PSMD14: variants seen among roughly 807,000 people sequenced by gnomAD.
PSMD14 encodes proteasome 26S subunit, non-ATPase 14.
In PSMD14, 7 loss-of-function variants were observed where a neutral mutation model predicts 41.2. That is an observed-to-expected ratio of 0.17 (90% CI 0.10 to 0.32). The LOEUF (loss-of-function observed/expected upper bound fraction) is 0.32, where lower values mean the gene tolerates loss of function less well. Ranked by LOEUF, PSMD14 falls within the 10% of genes least tolerant of loss-of-function variation. PSMD14 has a pLI of 1.00. For synonymous variants in PSMD14, 114 were observed against 122.3 expected (o/e 0.93, Z 0.45); for missense variants, 139 against 375.6 (o/e 0.37, Z 5.21).
chr2:161,374,226 T>C (rs868039644), intron 7 of PSMD14, among the ~76,000 whole-genome samples: 1 of 152,004 alleles, frequency 6.6e-6, no homozygotes, highest in Non-Finnish European at 1.5e-5. Flanking sequence ...TAGGTGTCAC[T>C]CTCTTCAGCA....
Position 161,387,901 on chromosome 2 carries a change from A to G in PSMD14, c.570+2330A>G, listed in dbSNP as rs1281562048. ...CATGTTTTATATAATAGAAGCCACT[A>G]ATAATCCTGATAGAGAGGAGAAAGT... On this transcript the variant is annotated intron_variant, in intron 8 of 11. Transcript: ENST00000409682. 3.3e-5 allele frequency among the ~76,000 whole-genome samples: 5 copies of G among 152,176 alleles called. No homozygotes were observed. In the Middle Eastern group the frequency reaches 0.01, roughly 313 times the overall value.
At chr2:161,403,439 G>A (rs1683908185) in intron 10 of PSMD14, among the ~76,000 whole-genome samples, 1 of 152,154 alleles carries the variant, frequency 6.6e-6, no homozygotes, top group Admixed American at 6.6e-5. Context: ...TTTTCCTTTG[G>A]GGTAATGAAA....
intron 10 of PSMD14, among the ~76,000 whole-genome samples, chr2:161,404,637 C>T (rs1296264164): frequency 6.6e-6 from 1 of 152,062 alleles, no homozygotes; most frequent in Non-Finnish European, 1.5e-5. Context: ...CAGAGTATGG[C>T]GCTGATGACA....
At chr2:161,318,011 C>A (rs1479221730) in intron 2 of PSMD14, among the ~76,000 whole-genome samples, 1 of 152,052 alleles carries the variant, frequency 6.6e-6, no homozygotes, top group African/African-American at 2.4e-5. Flanking sequence ...TTCTTAACTT[C>A]TTCTGTGAGG....
chr2:161,357,179 C>T (rs1436332019), intron 3 of PSMD14, among the ~76,000 whole-genome samples: 1 of 149,192 alleles, frequency 6.7e-6, no homozygotes, highest in East Asian at 2.0e-4. Context: ...AAAAAAAATC[C>T]ACCTCATGCC....
chr2:161,370,480 A>G (rs1438194764), intron 6 of PSMD14, among the ~76,000 whole-genome samples: 2 of 152,120 alleles, frequency 1.3e-5, no homozygotes, highest in Non-Finnish European at 2.9e-5. Flanking sequence ...TATAATTGAA[A>G]GAGCTTGTAT....
intron 3 of PSMD14, among the ~76,000 whole-genome samples, chr2:161,323,433 G>A (rs1682639995): frequency 6.6e-6 from 1 of 152,094 alleles, no homozygotes; most frequent in Admixed American, 6.6e-5. Flanking sequence ...GGAGACCGAG[G>A]GGGCAGATGA....
chr2:161,379,121 T>A (rs971869189), intron 7 of PSMD14, among the ~76,000 whole-genome samples: 1 of 152,038 alleles, frequency 6.6e-6, no homozygotes, highest in African/African-American at 2.4e-5. Context: ...ATTGCTTTGC[T>A]TTATATGGAA....
chr2:161,389,980 T>C (rs1044941185), intron 8 of PSMD14, among the ~76,000 whole-genome samples: 7 of 147,084 alleles, frequency 4.8e-5, no homozygotes, highest in African/African-American at 1.8e-4. Flanking sequence ...TTCTCCTGCC[T>C]CAGCCTCCCA....
intron 3 of PSMD14, among the ~76,000 whole-genome samples, chr2:161,323,871 T>C (rs2105233047): frequency 6.6e-6 from 1 of 152,304 alleles, no homozygotes; most frequent in African/African-American, 2.4e-5. Flanking sequence ...TTGAAATTAC[T>C]AAAAGGTATG....
chr2:161,341,138 C>T, intron 3 of PSMD14: 1 of 1,225,032 alleles, frequency 8.2e-7, no homozygotes, highest in Non-Finnish European at 1.0e-6. Context: ...AGGCCGCCGG[C>T]TCGGGGGCGC....
At chr2:161,392,836 G>A (rs905120916) in intron 9 of PSMD14, among the ~76,000 whole-genome samples, 4 of 151,922 alleles carry the variant, frequency 2.6e-5, no homozygotes, top group African/African-American at 4.8e-5. Context: ...CACCATTCAG[G>A]GACAAACAAA....
At position 161,316,394 on chromosome 2, in the gene PSMD14, A is replaced by G. The variant is rs533983237; in HGVS notation, c.-137-43A>G. 138 of 152,312 alleles carry G rather than the reference A, an allele frequency of 9.1e-4. 1 individual carries two copies. The highest frequency in any genetic ancestry group is 2.9e-3 in the African/African-American group (119 of 41,576). The allele number at this position is 152,312 out of a possible 1,614,324, so 9.4% of individuals were successfully genotyped here. ...TTTTGGTATAAAGTTTTCCTCCTTA[A>G]ATTATCAAAATAATTATATTTTATT... On this transcript the variant is annotated intron_variant, in intron 1 of 11. Transcript: ENST00000409682.
At chr2:161,407,113 T>A (rs1683957807) in intron 10 of PSMD14, among the ~76,000 whole-genome samples, 1 of 152,102 alleles carries the variant, frequency 6.6e-6, no homozygotes, top group Admixed American at 6.6e-5. Flanking sequence ...GGGTATGGAG[T>A]ACAAACTTAT....
intron 10 of PSMD14, among the ~76,000 whole-genome samples, chr2:161,396,971 G>A (rs1487609415): frequency 6.6e-6 from 1 of 152,062 alleles, no homozygotes; most frequent in East Asian, 1.9e-4. Context: ...GGGATTACAG[G>A]CGCCCGCTGC....
At chr2:161,408,647 G>T in intron 10 of PSMD14, 190 bp from the exon 11 acceptor site, 1 of 505,766 alleles carries the variant, frequency 2.0e-6, no homozygotes. Flanking sequence ...TTTTCAAAAT[G>T]ATGATGCTGA....
At chr2:161,407,246 A>G (rs1197166688) in intron 10 of PSMD14, among the ~76,000 whole-genome samples, 2 of 152,176 alleles carry the variant, frequency 1.3e-5, no homozygotes, top group Non-Finnish European at 2.9e-5. Flanking sequence ...TATGTAAAAC[A>G]TTGAATAGTG....
intron 3 of PSMD14, among the ~76,000 whole-genome samples, chr2:161,336,039 G>A (rs963486579): frequency 1.3e-5 from 2 of 152,194 alleles, no homozygotes; most frequent in African/African-American, 4.8e-5. Context: ...ATCATTATAA[G>A]CCTAGAGGCG....
intron 1 of PSMD14, among the ~76,000 whole-genome samples, chr2:161,314,714 A>G (rs1689128667): frequency 6.6e-6 from 1 of 152,208 alleles, no homozygotes; most frequent in Non-Finnish European, 1.5e-5. Context: ...TGTACCAGTA[A>G]GTAGTACTTC....
Sources: allele counts gnomAD v4.1 joint callset (sites outside exome capture counted in the v4.1 genomes callset), GRCh38; gene constraint gnomAD v4.1.1; transcripts MANE v1.5; gene names NCBI Gene and HGNC (gene_info 2026-07-23, HGNC 2026-07-21).